Variants in NAALADL2 observed in about 807,000 individuals in gnomAD.
NAALADL2 encodes the protein inactive N-acetylated-alpha-linked acidic dipeptidase-like protein 2.
Under a neutral mutation model 87.2 loss-of-function variants are expected in NAALADL2, and 76 were observed. The ratio of observed to expected loss-of-function variants is 0.87; its 90% CI spans 0.72 to 1.05. The LOEUF (loss-of-function observed/expected upper bound fraction) is 1.05, where lower values mean the gene tolerates loss of function less well. Ranked by LOEUF, NAALADL2 falls within the 50% of genes least tolerant of loss-of-function variation. NAALADL2 has a pLI of 0.00. For synonymous variants in NAALADL2, 354 were observed against 331.0 expected (o/e 1.07, Z -0.75); for missense variants, 1,089 against 945.8 (o/e 1.15, Z -1.99).
At chr3:174,981,412 A>G (rs957160378) in intron 1 of NAALADL2, among the ~76,000 whole-genome samples, 2 of 152,204 alleles carry the variant, frequency 1.3e-5, no homozygotes, top group African/African-American at 4.8e-5. Context: ...CATGTAATTC[A>G]TAGTAACAAA....
intron 1 of NAALADL2, among the ~76,000 whole-genome samples, chr3:174,494,631 AAAG>A (rs1472055190): frequency 2.0e-5 from 3 of 151,590 alleles, no homozygotes; most frequent in African/African-American, 4.9e-5. Flanking sequence ...TAAAAAAAAA[AAAG>A]AAGTAGGGAG....
chr3:175,441,583 T>C (rs1719768856), intron 5 of NAALADL2, among the ~76,000 whole-genome samples: 1 of 152,016 alleles, frequency 6.6e-6, no homozygotes, highest in African/African-American at 2.4e-5. Flanking sequence ...TAGTAAGTCC[T>C]AGTTCATGCA....
intron 2 of NAALADL2, among the ~76,000 whole-genome samples, chr3:174,581,664 AT>A (rs1716182386): frequency 6.6e-6 from 1 of 152,144 alleles, no homozygotes; most frequent in African/African-American, 2.4e-5. Flanking sequence ...TATCTACCGC[AT>A]TTTTAGAGAC....
chr3:175,059,612 A>G, intron 1 of NAALADL2: 1 of 351,850 alleles, frequency 2.8e-6, no homozygotes, highest in South Asian at 2.8e-5. Flanking sequence ...AGTATGATGG[A>G]AAATGGCAAC....
At chr3:174,959,390 G>C (rs1427851443) in intron 1 of NAALADL2, among the ~76,000 whole-genome samples, 1 of 151,980 alleles carries the variant, frequency 6.6e-6, no homozygotes, top group African/African-American at 2.4e-5. Flanking sequence ...CAGATACTTT[G>C]TGCCATTGTG....
intron 13 of NAALADL2, among the ~76,000 whole-genome samples, chr3:175,774,077 T>C (rs1453235262): frequency 6.6e-6 from 1 of 152,116 alleles, no homozygotes; most frequent in African/African-American, 2.4e-5. Context: ...GTTAGTAGTA[T>C]ACTTTGTGCT....
intron 5 of NAALADL2, among the ~76,000 whole-genome samples, chr3:175,403,092 G>A (rs1289984708): frequency 1.3e-5 from 2 of 152,014 alleles, no homozygotes; most frequent in Admixed American, 6.6e-5. Context: ...TGTGTCCTCA[G>A]AATGCTGAAT....
At chr3:175,241,877 T>TC (rs1553829280) in intron 3 of NAALADL2, among the ~76,000 whole-genome samples, 3 of 145,680 alleles carry the variant, frequency 2.1e-5, no homozygotes, top group Non-Finnish European at 3.0e-5. Flanking sequence ...TTTTTTTTTT[T>TC]CTTGAGACAG....
intron 3 of NAALADL2, among the ~76,000 whole-genome samples, chr3:174,825,618 A>G (rs1361753015): frequency 6.6e-6 from 1 of 152,180 alleles, no homozygotes; most frequent in African/African-American, 2.4e-5. Flanking sequence ...AACCCAATCA[A>G]GTTGACACAC....
intron 2 of NAALADL2, among the ~76,000 whole-genome samples, chr3:175,221,454 G>A (rs1743355289): frequency 6.6e-6 from 1 of 151,922 alleles, no homozygotes; most frequent in African/African-American, 2.4e-5. Context: ...AAGTTATTGG[G>A]TATACTTTTC....
At chr3:175,748,631 T>C (rs1417904780) in intron 12 of NAALADL2, among the ~76,000 whole-genome samples, 1 of 152,206 alleles carries the variant, frequency 6.6e-6, no homozygotes, top group Admixed American at 6.5e-5. Context: ...GATATAAAAA[T>C]GTTGTTTTAG....
chr3:175,352,937 T>C (rs551282384), intron 5 of NAALADL2, among the ~76,000 whole-genome samples: 1 of 152,236 alleles, frequency 6.6e-6, no homozygotes, highest in African/African-American at 2.4e-5. Context: ...CTAGCCTGCC[T>C]GGACTCCAGC....
chr3:175,310,857 A>G (rs1241846528), intron 4 of NAALADL2, among the ~76,000 whole-genome samples: 1 of 152,116 alleles, frequency 6.6e-6, no homozygotes, highest in African/African-American at 2.4e-5. Context: ...AATATCAAAC[A>G]TATAGTACTA....
At chr3:175,765,758 A>C (rs1327916635) in intron 13 of NAALADL2, among the ~76,000 whole-genome samples, 2 of 152,110 alleles carry the variant, frequency 1.3e-5, no homozygotes, top group East Asian at 3.8e-4. Context: ...TAACAACAAT[A>C]CTTTCCATAG....
intron 3 of NAALADL2, among the ~76,000 whole-genome samples, chr3:174,848,792 A>G (rs761410681): frequency 1.3e-5 from 2 of 152,198 alleles, no homozygotes; most frequent in African/African-American, 2.4e-5. Flanking sequence ...CGTGAACACC[A>G]TAGAGTGTAC....
intron 3 of NAALADL2, among the ~76,000 whole-genome samples, chr3:174,838,328 T>A (rs1038841448): frequency 8.5e-5 from 13 of 152,162 alleles, no homozygotes; most frequent in South Asian, 4.1e-4. Context: ...AAAATTGGCA[T>A]ACAAGGGGCA....
At chr3:175,492,082 A>G (rs16825832) in intron 9 of NAALADL2, among the ~76,000 whole-genome samples, 4,921 of 152,322 alleles carry the variant, frequency 0.032, 286 homozygotes, top group African/African-American at 0.11. Context: ...AAATTGTTCA[A>G]TACAGGCATA....
chr3:175,023,618 A>G (rs989887447), intron 1 of NAALADL2, among the ~76,000 whole-genome samples: 1 of 152,124 alleles, frequency 6.6e-6, no homozygotes, highest in Admixed American at 6.6e-5. Flanking sequence ...ATACAGAGAT[A>G]CTGAATGACA....
At chr3:175,726,184 A>C (rs1051698490) in intron 11 of NAALADL2, among the ~76,000 whole-genome samples, 1 of 151,912 alleles carries the variant, frequency 6.6e-6, no homozygotes, top group Non-Finnish European at 1.5e-5. Context: ...TAATCTGTAA[A>C]TATATTTTCT....
Sources: allele counts gnomAD v4.1 joint callset (sites outside exome capture counted in the v4.1 genomes callset), GRCh38; gene constraint gnomAD v4.1.1; transcripts MANE v1.5; gene names NCBI Gene and HGNC (gene_info 2026-07-23, HGNC 2026-07-21).